Variants in EPHA8 observed in about 807,000 individuals in gnomAD.
EPHA8 encodes the protein EPH receptor A8.
Under a neutral mutation model 103.6 loss-of-function variants are expected in EPHA8, and 58 were observed. The ratio of observed to expected loss-of-function variants is 0.56; its 90% CI spans 0.45 to 0.70. The LOEUF (loss-of-function observed/expected upper bound fraction) is 0.70, where lower values mean the gene tolerates loss of function less well. Ranked by LOEUF, EPHA8 falls within the 30% of genes least tolerant of loss-of-function variation. EPHA8 has a pLI of 0.00. For missense variants in EPHA8, 1,304 were observed against 1,395.2 expected (o/e 0.93, Z 1.04); for synonymous variants, 559 against 572.5 (o/e 0.98, Z 0.34).
chr1:22,600,482 C>T (rs1641691914), intron 13 of EPHA8, among the ~76,000 whole-genome samples, 179 bp from the exon 14 acceptor site: 1 of 152,036 alleles, frequency 6.6e-6, no homozygotes, highest in Admixed American at 6.5e-5. Context: ...CTCCTTCCTT[C>T]GTCTCCACAG....
rs764034102 is a variant in EPHA8, at chr1:22,595,235, C to T, written c.1609C>T (p.Arg537Cys). The T allele has an allele frequency of 1.3e-4, 209 of 1,609,488 alleles. No individual in the cohort carries two copies. The highest frequency in any genetic ancestry group is 1.7e-4 in the Non-Finnish European group (202 of 1,176,930). ...ACCCTGGCTTTCCCCTGCAGGGCCCCGCTATGACACCAGGACCATTGTCTG... is the reference window on the plus strand; with the variant it reads ...ACCCTGGCTTTCCCCTGCAGGGCCCTGCTATGACACCAGGACCATTGTCTG... ...MEVETGKPRP[R>C]YDTRTIVWIC... Residue 537 changes from arginine (R) to cysteine (C), a missense_variant, in exon 8 of 17, where the codon CGC (arginine) becomes TGC (cysteine). By Grantham distance (180) the Arg-to-Cys change is radical. Coordinates refer to ENST00000166244, the MANE Select transcript of EPHA8 (RefSeq NM_020526.5).
intron 3 of EPHA8, among the ~76,000 whole-genome samples, chr1:22,584,436 TAGA>T (rs1013020669): frequency 1.3e-5 from 2 of 152,258 alleles, no homozygotes; most frequent in African/African-American, 4.8e-5. Context: ...TGCAGCCTTC[TAGA>T]GTATGAAGCA....
chr1:22,601,052 G>T lies in EPHA8; in HGVS notation c.2693G>T (p.Ser898Ile). 2 of 1,611,572 alleles carry T rather than the reference G, an allele frequency of 1.2e-6. No individual in the cohort carries two copies. Among genetic ancestry groups the T allele is most frequent in the Non-Finnish European group, 8.5e-7 (1 of 1,179,244 alleles). Residue 898 changes from serine (S) to isoleucine (I), a missense_variant, in exon 15 of 17, where the codon AGC becomes ATC. Transcript: ENST00000166244. ...IVSVLDALIR[S>I]PESLRATATV... Reference sequence around the variant, plus strand: ...AGTGTCCTCGATGCGCTCATCCGCAGCCCTGAGAGTCTCAGGGCCACCGCC... The same window carrying T: ...AGTGTCCTCGATGCGCTCATCCGCATCCCTGAGAGTCTCAGGGCCACCGCC...
intron 3 of EPHA8, among the ~76,000 whole-genome samples, chr1:22,577,543 G>C (rs1303813412): frequency 6.6e-6 from 1 of 152,104 alleles, no homozygotes; most frequent in Non-Finnish European, 1.5e-5. Context: ...GTCTGGGTTG[G>C]GCCTGTCCCT....
chr1:22,599,686 GGAAA>G (rs368669326), intron 13 of EPHA8, among the ~76,000 whole-genome samples: 28 of 35,536 alleles, frequency 7.9e-4, no homozygotes, highest in African/African-American at 2.8e-3. Context: ...AGGGAAGGAA[GGAAA>G]GGAGGGAGGG....
At chr1:22,579,374 A>T (rs529321368) in intron 3 of EPHA8, among the ~76,000 whole-genome samples, 1 of 149,060 alleles carries the variant, frequency 6.7e-6, no homozygotes, top group East Asian at 2.0e-4. Flanking sequence ...TGTGTGCATG[A>T]GTGTATGTGT....
chr1:22,585,234 T>A (rs1343146241), intron 3 of EPHA8, among the ~76,000 whole-genome samples: 5 of 151,832 alleles, frequency 3.3e-5, no homozygotes, highest in Admixed American at 3.3e-4. Flanking sequence ...GGCCTAAGGA[T>A]GGGGGTGAGG....
rs609125 is a variant in EPHA8 at position 22,588,537 on chromosome 1, T to G, written c.980-334T>G. On this transcript the variant is annotated intron_variant, in intron 4 of 16. Transcript: ENST00000166244. The stretch of plus-strand genomic sequence containing the variant: ...GGTCACTTACACACAGGGTGGCTGC[T>G]GTGGGCACCCCCGGGACTGTGCGGT... Among the ~76,000 whole-genome samples the G allele has an allele frequency of 1.1e-4, 17 of 151,020 alleles. No individual in the cohort carries two copies. In the South Asian group the frequency reaches 1.5e-3, roughly 13 times the overall value.
rs772415643 is a variant in EPHA8 at position 22,585,027 on chromosome 1, C to CTGTGTGTGTGTGTGTGTGTGTGTG, written c.824-1452_824-1429dup. On this transcript the variant is annotated intron_variant, in intron 3 of 16. Coordinates refer to ENST00000166244, the MANE Select transcript of EPHA8 (RefSeq NM_020526.5). Reference sequence around the variant, plus strand: ...AGCAGGGCGGGGAATGGTCGTTTCTCTGTGTGTGTGTGTGTGTGTGTGTGC... The same window carrying CTGTGTGTGTGTGTGTGTGTGTGTG: ...AGCAGGGCGGGGAATGGTCGTTTCTCTGTGTGTGTGTGTGTGTGTGTGTGTGTGTGTGTGTGTGTGTGTGTGTGC... Among the ~76,000 whole-genome samples the CTGTGTGTGTGTGTGTGTGTGTGTG allele has an allele frequency of 1.6e-3, 231 of 147,558 alleles. 1 individual carries two copies. Among genetic ancestry groups the CTGTGTGTGTGTGTGTGTGTGTGTG allele is most frequent in the East Asian group, 4.9e-3 (24 of 4,912 alleles).
intron 4 of EPHA8, among the ~76,000 whole-genome samples, chr1:22,587,304 G>GGT (rs779276543): frequency 1.3e-4 from 19 of 151,970 alleles, no homozygotes; most frequent in Admixed American, 7.9e-4. Flanking sequence ...CTTAGGAGGA[G>GGT]GTGTGTGTGT....
rs1641509918 is a variant in EPHA8, at chr1:22,596,094, C to T, written c.1698-12C>T. The T allele has an allele frequency of 2.5e-6, 4 of 1,613,336 alleles. No homozygotes were observed. The highest frequency in any genetic ancestry group is 1.6e-4 in the Middle Eastern group (1 of 6,076). On this transcript the variant is annotated splice_polypyrimidine_tract_variant and intron_variant, in intron 8 of 16. Transcript: ENST00000166244. ...GGCCTGGCCTCAGGCAGGGCGGTGC[C>T]CTCCTCTGCAGGCACTGTGGCTACA...
intron 5 of EPHA8, among the ~76,000 whole-genome samples, chr1:22,592,389 C>G (rs935926321): frequency 6.6e-6 from 1 of 152,194 alleles, no homozygotes; most frequent in African/African-American, 2.4e-5. Flanking sequence ...TGTCCGCAGA[C>G]AGCAAGTGAC....
At chr1:22,596,511 C>T (rs967269736) in intron 9 of EPHA8, among the ~76,000 whole-genome samples, 7 of 152,124 alleles carry the variant, frequency 4.6e-5, no homozygotes, top group Non-Finnish European at 8.8e-5. Flanking sequence ...GACAACAAGG[C>T]GAATCTGGAG....
At chr1:22,586,968 G>A (rs1226949847) in intron 4 of EPHA8, among the ~76,000 whole-genome samples, 1 of 152,282 alleles carries the variant, frequency 6.6e-6, no homozygotes, top group African/African-American at 2.4e-5. Context: ...GGCAAGCCAG[G>A]GTGCTCGCCT....
At position 22,576,726 on chromosome 1, in the gene EPHA8, G is replaced by T. The variant is rs766213911; in HGVS notation, c.669G>T (p.Ser223=). 27 of 1,613,692 alleles carry T rather than the reference G, an allele frequency of 1.7e-5. No homozygotes were observed. In the South Asian group the frequency reaches 1.8e-4, roughly 10 times the overall value. ...CGGAGGCAGTGACGGGGGCCGACTC[G>T]TCCTCACTGGTGGAGGTGAGGGGCC... ...AFSEAVTGAD[S]SSLVEVRGQC... is the part of the protein sequence containing the mutation. Residue 223 remains serine (S), a synonymous_variant, in exon 3 of 17, where the codon TCG becomes TCT. Transcript: ENST00000166244. This position sits in a 1 kb window ranked among gnomAD's most constrained non-coding sequence, Gnocchi z 4.8.
intron 2 of EPHA8, among the ~76,000 whole-genome samples, chr1:22,572,418 C>T (rs138862591): frequency 6.6e-6 from 1 of 152,232 alleles, no homozygotes; most frequent in African/African-American, 2.4e-5. Context: ...TGAATACTCT[C>T]AGAGGCAAAG....
intron 7 of EPHA8, 97 bp from the exon 8 acceptor site, chr1:22,595,133 C>A: frequency 2.0e-6 from 2 of 1,023,678 alleles, no homozygotes; most frequent in Non-Finnish European, 1.4e-6. Context: ...CCACTGGCCC[C>A]AGGGTCACAG....
intron 5 of EPHA8, among the ~76,000 whole-genome samples, chr1:22,592,554 G>T (rs1641401348): frequency 6.6e-6 from 1 of 152,146 alleles, no homozygotes. Flanking sequence ...AGCATTTATT[G>T]GGCACCTACT....
Position 22,569,917 on chromosome 1 carries a change from C to A in EPHA8, c.159+564C>A, listed in dbSNP as rs1366712082. ...CTCTGCTTCTCTTCTCTGAATCCTGCGGGGGCAGGGCAGTAGAGTAGGAGT... is the reference window on the plus strand; with the variant it reads ...CTCTGCTTCTCTTCTCTGAATCCTGAGGGGGCAGGGCAGTAGAGTAGGAGT... On this transcript the variant is annotated intron_variant, in intron 2 of 16. Transcript: ENST00000166244. The surrounding 1 kb of genome is among the most constrained non-coding windows in gnomAD (Gnocchi z 4.5). Among the ~76,000 whole-genome samples the A allele has an allele frequency of 6.6e-6, 1 of 152,116 alleles. No homozygotes were observed. Among genetic ancestry groups the A allele is most frequent in the African/African-American group, 2.4e-5 (1 of 41,424 alleles).
Sources: allele counts gnomAD v4.1 joint callset (sites outside exome capture counted in the v4.1 genomes callset), GRCh38; gene constraint gnomAD v4.1.1; non-coding constraint Gnocchi (gnomAD v3.1); transcripts MANE v1.5; gene names NCBI Gene and HGNC (gene_info 2026-07-23, HGNC 2026-07-21).